The following GPM6A variants were observed in gnomAD, a reference collection of about 807,000 sequenced individuals.
GPM6A encodes neuronal membrane glycoprotein M6-a.
A neutral mutation model predicts 32.1 loss-of-function variants in GPM6A; 7 were observed. The observed-to-expected ratio is 0.22, with a 90% CI of 0.12 to 0.41. The LOEUF is 0.41. Ranked by LOEUF, GPM6A falls within the 10% of genes least tolerant of loss-of-function variation. The pLI, the probability that GPM6A is intolerant of heterozygous loss-of-function variation, is 1.00. For missense variants in GPM6A, 235 were observed against 347.2 expected, an observed-to-expected ratio of 0.68 and a Z score of 2.57; for synonymous variants, 130 against 123.4, an observed-to-expected ratio of 1.05 and a Z score of -0.35.
intron 1 of GPM6A, among the ~76,000 whole-genome samples, chr4:175,783,295 A>T (rs1004763420): frequency 4.6e-5 from 7 of 151,866 alleles, no homozygotes; most frequent in African/African-American, 1.4e-4. Context: ...TTTGCCAATA[A>T]TTTTTTTAAA....
At chr4:175,655,544 A>G (rs1429643113) in intron 3 of GPM6A, among the ~76,000 whole-genome samples, 4 of 152,200 alleles carry the variant, frequency 2.6e-5, no homozygotes, top group African/African-American at 9.6e-5. Context: ...TAAATTAATA[A>G]GCTGCTCTTA....
At chr4:175,897,287 G>T (rs530506038) in intron 1 of GPM6A, among the ~76,000 whole-genome samples, 1 of 152,164 alleles carries the variant, frequency 6.6e-6, no homozygotes, top group East Asian at 1.9e-4. Flanking sequence ...TTTGAGAGGT[G>T]CCACTGAAGT....
intron 2 of GPM6A, among the ~76,000 whole-genome samples, chr4:175,693,086 G>A (rs898517902): frequency 3.2e-4 from 49 of 151,818 alleles, no homozygotes; most frequent in African/African-American, 1.2e-3. Flanking sequence ...GATGTGGATG[G>A]CACTTTTCTC....
chr4:175,917,356 C>T (rs1462978569), intron 1 of GPM6A, among the ~76,000 whole-genome samples: 3 of 152,066 alleles, frequency 2.0e-5, no homozygotes, highest in East Asian at 3.9e-4. Flanking sequence ...CAAGCACTGC[C>T]CCTTGCCTGC....
At chr4:175,969,869 A>T (rs1740447707) in intron 1 of GPM6A, among the ~76,000 whole-genome samples, 1 of 152,320 alleles carries the variant, frequency 6.6e-6, no homozygotes, top group Non-Finnish European at 1.5e-5. Flanking sequence ...TTTTCTATTA[A>T]TCTAAAATGG....
At chr4:175,922,562 G>C (rs965943935) in intron 1 of GPM6A, among the ~76,000 whole-genome samples, 31 of 152,148 alleles carry the variant, frequency 2.0e-4, no homozygotes, top group African/African-American at 7.5e-4. Context: ...ACACCAAAAA[G>C]AAGAAATCTG....
intron 1 of GPM6A, among the ~76,000 whole-genome samples, chr4:175,839,320 T>C (rs930970885): frequency 7.2e-5 from 11 of 152,202 alleles, no homozygotes; most frequent in Non-Finnish European, 1.5e-4. Context: ...AAAACATTTC[T>C]AACTAAGACT....
intron 1 of GPM6A, among the ~76,000 whole-genome samples, chr4:175,910,131 T>A (rs962011665): frequency 2.0e-5 from 3 of 152,264 alleles, no homozygotes; most frequent in South Asian, 4.1e-4. Context: ...GATGTGCTAA[T>A]CACAGGATCG....
chr4:175,661,924 A>G (rs549340962), intron 3 of GPM6A, among the ~76,000 whole-genome samples: 13 of 152,210 alleles, frequency 8.5e-5, no homozygotes, highest in Non-Finnish European at 1.9e-4. Flanking sequence ...TCAGAACTTC[A>G]AATATTTAAA....
At chr4:175,965,674 T>TG (rs1740312377) in intron 1 of GPM6A, among the ~76,000 whole-genome samples, 1 of 151,420 alleles carries the variant, frequency 6.6e-6, no homozygotes, top group Admixed American at 6.6e-5. Flanking sequence ...AGCACAGTGG[T>TG]GCAATCTTGG....
intron 2 of GPM6A, among the ~76,000 whole-genome samples, chr4:175,693,199 T>C (rs1053751752): frequency 6.6e-6 from 1 of 150,970 alleles, no homozygotes; most frequent in Non-Finnish European, 1.5e-5. Context: ...ATCACCTAAG[T>C]TTTTTTCTGA....
chr4:175,941,786 GA>G (rs1239702762), intron 1 of GPM6A, among the ~76,000 whole-genome samples: 4 of 152,194 alleles, frequency 2.6e-5, no homozygotes, highest in Admixed American at 6.5e-5. Context: ...GTCTGTCACT[GA>G]TGGGCATTTG....
At chr4:175,727,632 C>T (rs906369762) in intron 1 of GPM6A, among the ~76,000 whole-genome samples, 1 of 152,182 alleles carries the variant, frequency 6.6e-6, no homozygotes, top group African/African-American at 2.4e-5. Flanking sequence ...TTAGAAAACT[C>T]ATCACCTAAA....
intron 1 of GPM6A, among the ~76,000 whole-genome samples, chr4:175,780,772 TA>T (rs1733585854): frequency 6.6e-6 from 1 of 152,180 alleles, no homozygotes; most frequent in Non-Finnish European, 1.5e-5. Flanking sequence ...AAAACTAATT[TA>T]ACAATCAGTC....
intron 1 of GPM6A, among the ~76,000 whole-genome samples, chr4:175,917,164 G>T (rs544079268): frequency 3.3e-5 from 5 of 152,068 alleles, no homozygotes; most frequent in Admixed American, 2.6e-4. Flanking sequence ...TTCCTCCAGC[G>T]GGTGGGGGTA....
intron 1 of GPM6A, among the ~76,000 whole-genome samples, chr4:175,879,435 C>T (rs1187946782): frequency 6.6e-6 from 1 of 152,082 alleles, no homozygotes; most frequent in East Asian, 1.9e-4. Flanking sequence ...AGGGGGAGGC[C>T]TCAGGAAACT....
chr4:175,816,491 A>G (rs1030612893), upstream of GPM6A, among the ~76,000 whole-genome samples: 5 of 152,208 alleles, frequency 3.3e-5, no homozygotes, highest in African/African-American at 1.2e-4. Context: ...TTGTGATACA[A>G]TGTTCATAAT....
At chr4:175,656,517 A>G (rs1292117483) in intron 3 of GPM6A, among the ~76,000 whole-genome samples, 1 of 152,156 alleles carries the variant, frequency 6.6e-6, no homozygotes, top group South Asian at 2.1e-4. Flanking sequence ...TTTGATGTCA[A>G]TCTGGATATT....
rs764772109 is a variant in GPM6A at position 175,651,973 on chromosome 4, T to C, written c.402A>G (p.Thr134=). 13 of 1,611,694 alleles carry C rather than the reference T, an allele frequency of 8.1e-6. No individual in the cohort carries two copies. Among genetic ancestry groups the C allele is most frequent in the South Asian group, 5.5e-5 (5 of 90,704 alleles). Residue 134 remains threonine, a synonymous_variant, in exon 4 of 7, where the codon ACA becomes ACG. Coordinates refer to ENST00000393658, the MANE Select transcript of GPM6A (RefSeq NM_201591.3). ...CCAGCCAGGCCAACATGAAAAGATA[T>C]GTCAGCATAATGAACTGCAAAAGAG... ...RCVSAWFIML[T]YLFMLAWLGV...
Sources: allele counts gnomAD v4.1 joint callset (sites outside exome capture counted in the v4.1 genomes callset), GRCh38; gene constraint gnomAD v4.1.1; transcripts MANE v1.5; gene names NCBI Gene and HGNC (gene_info 2026-07-23, HGNC 2026-07-21).